The following EPHA4 variants were observed in gnomAD, a reference collection of about 807,000 sequenced individuals.
The protein encoded by EPHA4 is EPH receptor A4.
Under a neutral mutation model 108.3 loss-of-function variants are expected in EPHA4, and 19 were observed. The observed-to-expected ratio is 0.18, with a 90% confidence interval of 0.12 to 0.26. EPHA4 has a LOEUF of 0.26. Ranked by LOEUF, EPHA4 falls within the 10% of genes least tolerant of loss-of-function variation. The probability of loss-of-function intolerance (pLI) is 1.00; values close to 1 mark genes in which losing one functional copy is unlikely to be tolerated. For synonymous variants in EPHA4, 449 were observed against 455.5 expected (o/e 0.99, Z 0.18); for missense variants, 917 against 1,254.0 (o/e 0.73, Z 4.06).
At chr2:221,431,620 T>A (rs540737039) in intron 14 of EPHA4, among the ~76,000 whole-genome samples, 5 of 152,310 alleles carry the variant, frequency 3.3e-5, no homozygotes, top group Middle Eastern at 3.4e-3. Context: ...ATCACCTGGG[T>A]TTCTTTTATC....
rs375465899 is a variant in EPHA4 at position 221,447,122 on chromosome 2, T to G, written c.1716-941A>C. Among the ~76,000 whole-genome samples, 14 of 152,266 alleles carry G rather than the reference T, an allele frequency of 9.2e-5. No homozygotes were observed. In the East Asian group the frequency reaches 1.5e-3, roughly 17 times the overall value. Reference sequence around the variant, plus strand: ...GGAGAATATATATCACTTAAAGGAATCAGAAAGTCAACTCCGTTGATATCA... The same window carrying G: ...GGAGAATATATATCACTTAAAGGAAGCAGAAAGTCAACTCCGTTGATATCA... On this transcript the variant is annotated intron_variant, in intron 8 of 17. Coordinates refer to ENST00000281821, the MANE Select transcript of EPHA4 (RefSeq NM_004438.5).
chr2:221,420,099 A>AAT lies in EPHA4; in HGVS notation c.*1272_*1273insAT, dbSNP rs1213748788. 2.6e-5 allele frequency: 4 copies of AAT among 152,640 alleles called. No individual in the cohort carries two copies. The highest frequency in any genetic ancestry group is 5.9e-5 in the Non-Finnish European group (4 of 68,054). The allele number at this position is 152,640 out of a possible 1,614,324, so 9.5% of individuals were successfully genotyped here. A position where few individuals can be genotyped will look rare whatever the true frequency, so the allele number is the denominator to read the frequency against. On this transcript the variant is annotated 3_prime_UTR_variant, in exon 18 of 18. Coordinates refer to ENST00000281821, the MANE Select transcript of EPHA4 (RefSeq NM_004438.5). ...TACTTCCGCAATGCATATCATAGGC[A>AAT]GCTCATGGAACTGGCTTTGTTTTGT... is the stretch of plus-strand genomic sequence containing the variant.
chr2:221,495,001 C>CAAAAAA (rs5838887), intron 4 of EPHA4, among the ~76,000 whole-genome samples: 2 of 85,520 alleles, frequency 2.3e-5, no homozygotes, highest in Non-Finnish European at 2.3e-5. Flanking sequence ...GCAATGTTGC[C>CAAAAAA]AAAAAAAAAA....
intron 12 of EPHA4, 128 bp from the exon 13 acceptor site, chr2:221,436,736 A>G (rs935028468): frequency 3.9e-6 from 4 of 1,023,110 alleles, no homozygotes; most frequent in Non-Finnish European, 5.8e-6. Flanking sequence ...CATTATTTCC[A>G]GGCCTTTCTG....
intron 3 of EPHA4, among the ~76,000 whole-genome samples, chr2:221,511,747 A>T (rs1214028713): frequency 6.6e-6 from 1 of 152,224 alleles, no homozygotes; most frequent in Non-Finnish European, 1.5e-5. Flanking sequence ...TTGATAAGAG[A>T]TGACAATTTA....
At chr2:221,431,880 T>C (rs765005136) in intron 14 of EPHA4, among the ~76,000 whole-genome samples, 18 of 152,158 alleles carry the variant, frequency 1.2e-4, no homozygotes, top group Non-Finnish European at 2.6e-4. Flanking sequence ...AACAAAAAAC[T>C]TGCTAAGTTT....
chr2:221,568,434 T>C (rs1478329555), intron 2 of EPHA4, among the ~76,000 whole-genome samples: 1 of 152,212 alleles, frequency 6.6e-6, no homozygotes, highest in Non-Finnish European at 1.5e-5. Flanking sequence ...CCGGATCATA[T>C]TTCCTGTTGG....
At chr2:221,559,698 A>AT (rs1694402585) in intron 3 of EPHA4, among the ~76,000 whole-genome samples, 1 of 152,136 alleles carries the variant, frequency 6.6e-6, no homozygotes, top group African/African-American at 2.4e-5. Flanking sequence ...CCGGAAGGAG[A>AT]TGTCTGAAGT....
At position 221,526,559 on chromosome 2, in the gene EPHA4, A is replaced by T. The variant is rs559852812; in HGVS notation, c.824-25387T>A. Among the ~76,000 whole-genome samples the T allele has an allele frequency of 2.4e-3, 315 of 132,618 alleles. 1 individual carries two copies. Among genetic ancestry groups the T allele is most frequent in the African/African-American group, 8.8e-3 (298 of 33,980 alleles). 87.0% of individuals were successfully genotyped at this position (132,618 alleles called of 152,430 possible). On this transcript the variant is annotated intron_variant, in intron 3 of 17. Transcript: ENST00000281821. ...ATCTAGTGTAAAAAAAAAAAAAAAA[A>T]TTCATGGCTGGGTGCAGCGGTTCAC...
intron 5 of EPHA4, among the ~76,000 whole-genome samples, chr2:221,466,030 A>G (rs1691302114): frequency 2.0e-5 from 3 of 152,170 alleles, no homozygotes. Context: ...CGATGAGCAG[A>G]TATCCACCCA....
intron 4 of EPHA4, among the ~76,000 whole-genome samples, chr2:221,495,821 A>T (rs1482527523): frequency 6.6e-6 from 1 of 152,168 alleles, no homozygotes; most frequent in Admixed American, 6.5e-5. Context: ...AAGCCAGTGG[A>T]GCACAGTCTC....
Position 221,518,546 on chromosome 2 carries a change from T to C in EPHA4, c.824-17374A>G, listed in dbSNP as rs138581312. ...TCACCACAAATATGTAGACTAAGTA[T>C]ACGAATGAATGAATGAATGATGACA... On this transcript the variant is annotated intron_variant, in intron 3 of 17. Coordinates refer to ENST00000281821, the MANE Select transcript of EPHA4 (RefSeq NM_004438.5). Among the ~76,000 whole-genome samples, 453 of 152,308 alleles carry C rather than the reference T, an allele frequency of 3.0e-3. 2 individuals are homozygous for C. Among genetic ancestry groups the C allele is most frequent in the South Asian group, 7.9e-3 (38 of 4,830 alleles).
chr2:221,437,092 A>C lies in EPHA4; in HGVS notation c.2105T>G (p.Met702Arg). 1 of 1,612,816 alleles carries C rather than the reference A, an allele frequency of 6.2e-7. No homozygotes were observed. Among genetic ancestry groups the C allele is most frequent in the African/African-American group, 1.3e-5 (1 of 75,042 alleles). Residue 702 changes from methionine to arginine, a missense_variant, in exon 12 of 18, where the codon ATG (methionine) becomes AGG (arginine). By Grantham distance (91) the Met-to-Arg change is moderately conservative. Coordinates refer to ENST00000281821, the MANE Select transcript of EPHA4 (RefSeq NM_004438.5). ...GAATGCATCCAAGGAGCCATTCTCC[A>C]TGTACTCTGTTATGATCATTACTGG... Reference protein sequence around the residue: ...CKPVMIITEYMENGSLDAFLR... With the variant: ...CKPVMIITEYRENGSLDAFLR...
At chr2:221,550,866 G>C (rs150446409) in intron 3 of EPHA4, among the ~76,000 whole-genome samples, 1 of 151,278 alleles carries the variant, frequency 6.6e-6, no homozygotes, top group African/African-American at 2.4e-5. Flanking sequence ...TAATATATTA[G>C]ATCTCATAAA....
intron 3 of EPHA4, among the ~76,000 whole-genome samples, chr2:221,518,182 C>T (rs1203563694): frequency 6.6e-6 from 1 of 152,170 alleles, no homozygotes; most frequent in African/African-American, 2.4e-5. Flanking sequence ...AGATCTGAAA[C>T]TGTTCATGCT....
At chr2:221,470,157 G>A (rs575794395) in intron 5 of EPHA4, among the ~76,000 whole-genome samples, 2 of 152,256 alleles carry the variant, frequency 1.3e-5, no homozygotes, top group South Asian at 2.1e-4. Flanking sequence ...GAGAGTCAGA[G>A]GAAACATGGT....
chr2:221,505,621 G>T (rs950710453), intron 3 of EPHA4, among the ~76,000 whole-genome samples: 1 of 152,102 alleles, frequency 6.6e-6, no homozygotes, highest in Non-Finnish European at 1.5e-5. Context: ...ATCACACCTG[G>T]GCTAAAATTT....
intron 13 of EPHA4, among the ~76,000 whole-genome samples, chr2:221,435,986 A>G (rs910955896): frequency 6.6e-6 from 1 of 151,878 alleles, no homozygotes; most frequent in Non-Finnish European, 1.5e-5. Flanking sequence ...AGGCAAATAC[A>G]AGTGCAAAAA....
At chr2:221,503,090 T>C (rs1031047542) in intron 3 of EPHA4, among the ~76,000 whole-genome samples, 4 of 152,294 alleles carry the variant, frequency 2.6e-5, no homozygotes, top group Admixed American at 2.6e-4. Context: ...TCAAACACAA[T>C]GAGCCTCTGA....
Sources: gnomAD v4.1 joint callset for allele counts (sites outside exome capture counted in the v4.1 genomes callset) on GRCh38, gnomAD v4.1.1 for gene constraint, MANE v1.5 for transcripts, NCBI Gene and HGNC (gene_info 2026-07-23, HGNC 2026-07-21) for gene names.